Variants in AP1S3 observed in about 807,000 individuals in gnomAD.
AP1S3 encodes adaptor related protein complex 1 subunit sigma 3, also known as AP-1 complex subunit sigma-3.
AP1S3 carries 10 observed loss-of-function variants against 20.9 expected under a neutral mutation model. The ratio of observed to expected loss-of-function variants is 0.48; its 90% CI spans 0.29 to 0.81. The LOEUF (loss-of-function observed/expected upper bound fraction) is 0.81. Ranked by LOEUF, AP1S3 falls within the 30% of genes least tolerant of loss-of-function variation. The pLI is 0.08. For missense variants in AP1S3, 154 were observed against 183.8 expected (o/e 0.84, Z 0.94); for synonymous variants, 41 against 61.5 (o/e 0.67, Z 1.56).
chr2:223,797,192 T>C (rs966692299), intron 1 of AP1S3, among the ~76,000 whole-genome samples: 1 of 152,124 alleles, frequency 6.6e-6, no homozygotes, highest in African/African-American at 2.4e-5. Flanking sequence ...CCTCATGTCT[T>C]CATATCCAAA....
chr2:223,759,487 G>A (rs1272673991), intron 4 of AP1S3, among the ~76,000 whole-genome samples: 1 of 152,094 alleles, frequency 6.6e-6, no homozygotes. Flanking sequence ...TATACATATT[G>A]TCAAGACAAA....
In AP1S3 at chr2:223,837,517, G is replaced by C; in HGVS notation, c.-67C>G. 1 of 1,144,810 alleles carries C rather than the reference G, an allele frequency of 8.7e-7. No individual in the cohort carries two copies. The highest frequency in any genetic ancestry group is 1.1e-6 in the Non-Finnish European group (1 of 900,046). 70.9% of individuals were successfully genotyped at this position (1,144,810 alleles called of 1,614,324 possible). A position where few individuals can be genotyped will look rare whatever the true frequency, so the allele number is the denominator to read the frequency against. On this transcript the variant is annotated 5_prime_UTR_variant, in exon 1 of 5. Coordinates refer to ENST00000396654, the MANE Select transcript of AP1S3 (RefSeq NM_001039569.2). Reference sequence around the variant, plus strand: ...CGCTGGAGAAGCGAGGGCGAGAGGCGAGCGCTGGAGCCGGTGCGGCTGACA... The same window carrying C: ...CGCTGGAGAAGCGAGGGCGAGAGGCCAGCGCTGGAGCCGGTGCGGCTGACA...
At chr2:223,767,247 C>T (rs1397466428) in intron 3 of AP1S3, among the ~76,000 whole-genome samples, 1 of 152,108 alleles carries the variant, frequency 6.6e-6, no homozygotes, top group Non-Finnish European at 1.5e-5. Context: ...GTTTACCTCT[C>T]AGCCACATGT....
intron 1 of AP1S3, among the ~76,000 whole-genome samples, chr2:223,779,435 G>C (rs573605558): frequency 1.3e-5 from 2 of 152,218 alleles, no homozygotes; most frequent in South Asian, 4.1e-4. Flanking sequence ...TAAAAACCTT[G>C]AAGTTATGGT....
rs748736523 is a variant in AP1S3 at position 223,755,457 on chromosome 2, G to A, written c.*3258C>T. Among the ~76,000 whole-genome samples, 7 of 151,210 alleles carry A rather than the reference G, an allele frequency of 4.6e-5. No individual in the cohort carries two copies. The highest frequency in any genetic ancestry group is 2.6e-4 in the Admixed American group (4 of 15,166). ...AAACACAATGACTATTTTAGCCTAGGCCCATGGAAGATGTCCCTAAAATCC... is the reference window on the plus strand; with the variant it reads ...AAACACAATGACTATTTTAGCCTAGACCCATGGAAGATGTCCCTAAAATCC... On this transcript the variant is annotated 3_prime_UTR_variant, in exon 5 of 5. Transcript: ENST00000396654.
At chr2:223,832,490 G>A (rs574258006) in intron 1 of AP1S3, among the ~76,000 whole-genome samples, 1 of 152,196 alleles carries the variant, frequency 6.6e-6, no homozygotes, top group South Asian at 2.1e-4. Context: ...TGGGACAACT[G>A]AACACCACAA....
intron 1 of AP1S3, among the ~76,000 whole-genome samples, chr2:223,835,650 G>A (rs756857343): frequency 2.6e-5 from 4 of 151,944 alleles, no homozygotes; most frequent in Non-Finnish European, 4.4e-5. Context: ...GCAAGATTCC[G>A]TCTCGAAGAA....
In AP1S3 at chr2:223,832,607, C is replaced by A. The variant is rs564996202; in HGVS notation, c.3+4841G>T. Among the ~76,000 whole-genome samples the A allele has an allele frequency of 3.5e-4, 54 of 152,182 alleles. No homozygotes were observed. In the East Asian group the frequency reaches 9.8e-3, roughly 28 times the overall value. On this transcript the variant is annotated intron_variant, in intron 1 of 4. Coordinates refer to ENST00000396654, the MANE Select transcript of AP1S3 (RefSeq NM_001039569.2). ...GAAAGCACTCATTAGTGTAATAGAC[C>A]GCTTCACCCTCAAACTGGAACTTAA... is the stretch of plus-strand genomic sequence containing the variant.
chr2:223,771,460 C>T (rs1020501257), intron 3 of AP1S3, among the ~76,000 whole-genome samples: 1 of 152,202 alleles, frequency 6.6e-6, no homozygotes, highest in African/African-American at 2.4e-5. Flanking sequence ...GCAAATACCC[C>T]GGCTTCTTGC....
In AP1S3 at chr2:223,765,220, A is replaced by T. The variant is rs751262532; in HGVS notation, c.422T>A (p.Leu141Ter). The part of the protein sequence containing the change: ...AVKAIEDSDM[L>*]QETMEEYMNK... ...TTGGGAAACCGTACTGACCTCCTGT[A>T]ACATATCAGAGTCTTCAATGGCTTT... The change falls in exon 4 of 5, where the codon TTA (leucine) becomes TAA (stop). Residue 141 changes from leucine (L) to a stop codon, truncating the protein, a stop_gained. Transcript: ENST00000396654. LOFTEE classifies it high-confidence loss of function. 1.9e-6 allele frequency: 3 copies of T among 1,613,952 alleles called. No homozygotes were observed. In the South Asian group the frequency reaches 3.3e-5, roughly 18 times the overall value.
At chr2:223,819,507 C>T (rs1251585363) in intron 1 of AP1S3, among the ~76,000 whole-genome samples, 5 of 151,840 alleles carry the variant, frequency 3.3e-5, no homozygotes, top group Non-Finnish European at 7.4e-5. Context: ...ACTATAAAGT[C>T]CATAAATAAC....
At chr2:223,817,768 A>C (rs114162776) in intron 1 of AP1S3, among the ~76,000 whole-genome samples, 1 of 152,090 alleles carries the variant, frequency 6.6e-6, no homozygotes, top group Admixed American at 6.5e-5. Context: ...ATCAGAGACT[A>C]TTTGGCCCAC....
At position 223,756,680 on chromosome 2, in the gene AP1S3, T is replaced by C; in HGVS notation, c.*2035A>G. 1.0e-6 allele frequency: 1 copy of C among 985,426 alleles called. No homozygotes were observed. Among genetic ancestry groups the C allele is most frequent in the Non-Finnish European group, 1.2e-6 (1 of 829,900 alleles). 61.0% of individuals were successfully genotyped at this position (985,426 alleles called of 1,614,324 possible). ...TATATGCTAATCTGAGTTATTTCCT[T>C]TGAACAATGGTTATATTGAGGAATT... On this transcript the variant is annotated 3_prime_UTR_variant, in exon 5 of 5. Transcript: ENST00000396654.
chr2:223,772,161 T>C (rs952435510), intron 3 of AP1S3, among the ~76,000 whole-genome samples: 1 of 152,236 alleles, frequency 6.6e-6, no homozygotes, highest in Non-Finnish European at 1.5e-5. Flanking sequence ...AATGTACAAC[T>C]ATATAGCAAT....
intron 3 of AP1S3, among the ~76,000 whole-genome samples, chr2:223,770,642 A>G (rs902499367): frequency 2.0e-5 from 3 of 152,014 alleles, no homozygotes; most frequent in Non-Finnish European, 4.4e-5. Flanking sequence ...ACAGCAACAC[A>G]AAAGTGCTAC....
intron 1 of AP1S3, among the ~76,000 whole-genome samples, chr2:223,787,380 G>T (rs753147619): frequency 3.3e-5 from 5 of 152,184 alleles, no homozygotes; most frequent in Non-Finnish European, 7.3e-5. Flanking sequence ...CAACACTCCT[G>T]GGTCTCAACC....
intron 1 of AP1S3, among the ~76,000 whole-genome samples, chr2:223,778,133 TTTG>T (rs1288899792): frequency 6.6e-6 from 1 of 151,902 alleles, no homozygotes; most frequent in Non-Finnish European, 1.5e-5. Flanking sequence ...TGTTTGTTTG[TTTG>T]TTTTTTTGAG....
intron 1 of AP1S3, among the ~76,000 whole-genome samples, chr2:223,818,901 C>T (rs1290841972): frequency 2.0e-5 from 3 of 152,170 alleles, no homozygotes. Flanking sequence ...GGACCACTGG[C>T]TGCTTTAAAG....
At chr2:223,827,682 G>A (rs1443617623) in intron 1 of AP1S3, among the ~76,000 whole-genome samples, 4 of 151,702 alleles carry the variant, frequency 2.6e-5, no homozygotes, top group East Asian at 1.9e-4. Context: ...CACTATGCCC[G>A]GCCGATTTTG....
Sources: gnomAD v4.1 joint callset for allele counts (sites outside exome capture counted in the v4.1 genomes callset) on GRCh38, gnomAD v4.1.1 for gene constraint, MANE v1.5 for transcripts, NCBI Gene and HGNC (gene_info 2026-07-23, HGNC 2026-07-21) for gene names.